Variants in NXPH1 observed in about 807,000 individuals in gnomAD.
The protein encoded by NXPH1 is neurexophilin 1.
Under a neutral mutation model 23.7 loss-of-function variants are expected in NXPH1, and 5 were observed. The ratio of observed to expected loss-of-function variants is 0.21; its 90% CI spans 0.11 to 0.44. The LOEUF (loss-of-function observed/expected upper bound fraction) is 0.44, where lower values mean the gene tolerates loss of function less well. Ranked by LOEUF, NXPH1 falls within the 20% of genes least tolerant of loss-of-function variation. NXPH1 has a pLI of 0.99. For synonymous variants in NXPH1, 144 were observed against 122.2 expected (o/e 1.18, Z -1.18); for missense variants, 324 against 321.6 (o/e 1.01, Z -0.06).
intron 2 of NXPH1, among the ~76,000 whole-genome samples, chr7:8,716,552 C>T (rs147679308): frequency 6.6e-6 from 1 of 152,158 alleles, no homozygotes; most frequent in South Asian, 2.1e-4. Flanking sequence ...TCCACCTCTG[C>T]ATTACCAAAG....
chr7:8,459,561 T>G (rs1485331116), intron 2 of NXPH1, among the ~76,000 whole-genome samples: 1 of 152,244 alleles, frequency 6.6e-6, no homozygotes, highest in African/African-American at 2.4e-5. Flanking sequence ...CCTGCCATCT[T>G]CTTTCTTCTA....
At chr7:8,616,009 C>T (rs1210765059) in intron 2 of NXPH1, among the ~76,000 whole-genome samples, 2 of 151,984 alleles carry the variant, frequency 1.3e-5, no homozygotes, top group Non-Finnish European at 2.9e-5. Context: ...GCCAGAGTGA[C>T]CACATTAAAA....
chr7:8,684,480 T>C lies in NXPH1; in HGVS notation c.55-66528T>C, dbSNP rs143949916. On this transcript the variant is annotated intron_variant, in intron 2 of 2. Coordinates refer to ENST00000405863, the MANE Select transcript of NXPH1 (RefSeq NM_152745.3). ...CTTCCTTCAGTATGTTTTAAGATGG[T>C]ATGTATGAAGGAGAAACTGATGCTT... Among the ~76,000 whole-genome samples the C allele has an allele frequency of 1.2e-4, 18 of 152,258 alleles. No homozygotes were observed. The East Asian group carries it at 2.9e-3, about 24-fold the overall frequency.
intron 2 of NXPH1, among the ~76,000 whole-genome samples, chr7:8,450,076 C>G (rs999928169): frequency 7.2e-5 from 11 of 152,198 alleles, no homozygotes; most frequent in African/African-American, 2.7e-4. Flanking sequence ...AAGTACAACC[C>G]TCAGTCATCT....
At chr7:8,702,954 G>A (rs1779649064) in intron 2 of NXPH1, among the ~76,000 whole-genome samples, 1 of 152,074 alleles carries the variant, frequency 6.6e-6, no homozygotes, top group African/African-American at 2.4e-5. Context: ...TACAGGGATA[G>A]GATTTGCAGG....
chr7:8,435,413 C>T lies in NXPH1; in HGVS notation c.-110-191C>T, dbSNP rs1224150411. 4.1e-6 allele frequency: 2 copies of T among 485,468 alleles called. No individual in the cohort carries two copies. The highest frequency in any genetic ancestry group is 7.4e-6 in the Non-Finnish European group (2 of 269,884). The allele number at this position is 485,468 out of a possible 1,614,324, so 30.1% of individuals were successfully genotyped here. ...TCACCCTCCCTCTCGTCCGCCCGCC[C>T]GCCTCCCCAGCTGCGGACCGCGCGC... On this transcript the variant is annotated intron_variant, in intron 1 of 2. Coordinates refer to ENST00000405863, the MANE Select transcript of NXPH1 (RefSeq NM_152745.3). The surrounding 1 kb of genome is among the most constrained non-coding windows in gnomAD (Gnocchi z 5.9).
At chr7:8,667,331 C>T (rs1197866436) in intron 2 of NXPH1, among the ~76,000 whole-genome samples, 2 of 151,560 alleles carry the variant, frequency 1.3e-5, no homozygotes, top group South Asian at 4.2e-4. Flanking sequence ...GAAGAACTCC[C>T]TTTCACATTT....
At chr7:8,732,309 G>A (rs950199504) in intron 2 of NXPH1, among the ~76,000 whole-genome samples, 6 of 152,216 alleles carry the variant, frequency 3.9e-5, no homozygotes, top group African/African-American at 1.2e-4. Flanking sequence ...CTTCTGTGTC[G>A]CTCACAGTGG....
At chr7:8,470,668 G>C (rs17332307) in intron 2 of NXPH1, among the ~76,000 whole-genome samples, 56,603 of 151,956 alleles carry the variant, frequency 0.37, 11,040 homozygotes, top group East Asian at 0.61. Flanking sequence ...CCACCTTTAA[G>C]ACTCTTGCTT....
intron 2 of NXPH1, among the ~76,000 whole-genome samples, chr7:8,623,170 A>G (rs1374297582): frequency 6.6e-6 from 1 of 152,138 alleles, no homozygotes; most frequent in Non-Finnish European, 1.5e-5. Context: ...GAATTTAATG[A>G]TGCAGGAGGG....
intron 2 of NXPH1, among the ~76,000 whole-genome samples, chr7:8,469,516 C>T (rs1015734213): frequency 5.9e-5 from 9 of 151,996 alleles, no homozygotes; most frequent in Admixed American, 2.6e-4. Context: ...CCTGAACAAT[C>T]GTTCCCTCTC....
intron 2 of NXPH1, among the ~76,000 whole-genome samples, chr7:8,641,878 CTAAT>C (rs752248585): frequency 1.1e-4 from 17 of 152,130 alleles, no homozygotes; most frequent in Non-Finnish European, 2.5e-4. Context: ...GAATATATCA[CTAAT>C]TATCCTCTTC....
At position 8,525,978 on chromosome 7, in the gene NXPH1, GC is replaced by G. The variant is rs529535253; in HGVS notation, c.54+90214del. ...GTGGAGGTGTGAGAAGAGGGCCACT[GC>G]CCTCCAGACCCCAGAATGGTAGTTC... On this transcript the variant is annotated intron_variant, in intron 2 of 2. Transcript: ENST00000405863. Among the ~76,000 whole-genome samples the G allele has an allele frequency of 1.8e-3, 246 of 138,770 alleles. 1 individual carries two copies. The highest frequency in any genetic ancestry group is 6.1e-3 in the African/African-American group (222 of 36,302). 91.0% of individuals were successfully genotyped at this position (138,770 alleles called of 152,430 possible).
At chr7:8,503,796 C>T (rs961958583) in intron 2 of NXPH1, among the ~76,000 whole-genome samples, 4 of 151,922 alleles carry the variant, frequency 2.6e-5, no homozygotes, top group African/African-American at 4.8e-5. Flanking sequence ...ATTTAAGGTC[C>T]GGTTCATCCG....
chr7:8,570,178 T>G (rs918203313), intron 2 of NXPH1, among the ~76,000 whole-genome samples: 3 of 151,930 alleles, frequency 2.0e-5, no homozygotes, highest in Non-Finnish European at 2.9e-5. Context: ...TTTAAAAAAT[T>G]GACTCAGAAG....
intron 2 of NXPH1, among the ~76,000 whole-genome samples, chr7:8,658,840 G>C (rs1286095328): frequency 1.3e-5 from 2 of 152,172 alleles, no homozygotes; most frequent in Non-Finnish European, 2.9e-5. Flanking sequence ...GCGTGAGGTA[G>C]AATAGATGAT....
At chr7:8,647,780 T>G (rs1820418886) in intron 2 of NXPH1, among the ~76,000 whole-genome samples, 2 of 139,268 alleles carry the variant, frequency 1.4e-5, no homozygotes, top group Admixed American at 7.0e-5. Context: ...AACCATTCGG[T>G]TTTTTTTTTT....
intron 2 of NXPH1, among the ~76,000 whole-genome samples, chr7:8,574,660 A>G (rs1006380364): frequency 1.3e-5 from 2 of 152,172 alleles, no homozygotes; most frequent in African/African-American, 4.8e-5. Context: ...GAAAGCTTCC[A>G]AATTTAGAAT....
intron 2 of NXPH1, among the ~76,000 whole-genome samples, chr7:8,556,792 C>T (rs1818364646): frequency 6.8e-6 from 1 of 147,204 alleles, no homozygotes; most frequent in African/African-American, 2.4e-5. Context: ...TGGTAGTGAA[C>T]TCTTTTCAAA....
Sources: allele counts gnomAD v4.1 joint callset (sites outside exome capture counted in the v4.1 genomes callset), GRCh38; gene constraint gnomAD v4.1.1; non-coding constraint Gnocchi (gnomAD v3.1); transcripts MANE v1.5; gene names NCBI Gene and HGNC (gene_info 2026-07-23, HGNC 2026-07-21).